Variants in FDX1 observed in about 807,000 individuals in gnomAD.
FDX1 encodes adrenodoxin, mitochondrial.
FDX1 carries 9 observed loss-of-function variants against 14.9 expected under a neutral mutation model. That is an observed-to-expected ratio of 0.60 (90% CI 0.36 to 1.05). The LOEUF (loss-of-function observed/expected upper bound fraction) is 1.05. Among genes scored for constraint, FDX1 ranks in the 50% least tolerant of loss-of-function variants. The pLI, the probability that FDX1 is intolerant of heterozygous loss-of-function variation, is 0.01. For synonymous variants in FDX1, 92 were observed against 99.4 expected, an observed-to-expected ratio of 0.93 and a Z score of 0.44; for missense variants, 204 against 237.2, an observed-to-expected ratio of 0.86 and a Z score of 0.92.
At chr11:110,448,749 A>G (rs1205266354) in intron 2 of FDX1, among the ~76,000 whole-genome samples, 1 of 152,230 alleles carries the variant, frequency 6.6e-6, no homozygotes, top group Non-Finnish European at 1.5e-5. Context: ...CATATATTTG[A>G]AATTGTGCAG....
Position 110,462,685 on chromosome 11 carries a change from A to G in FDX1, c.*217A>G. 1 of 340,098 alleles carries G rather than the reference A, an allele frequency of 2.9e-6. No homozygotes were observed. Among genetic ancestry groups the G allele is most frequent in the Non-Finnish European group, 5.3e-6 (1 of 187,748 alleles). 21.1% of individuals were successfully genotyped at this position (340,098 alleles called of 1,614,324 possible). ...AAAAATGTCAATCAAATATTAAAAA[A>G]TAGTTAATGTGATAGAAAAACCTTA... On this transcript the variant is annotated 3_prime_UTR_variant, in exon 4 of 4. Transcript: ENST00000260270.
At chr11:110,446,044 C>A (rs2134684554) in intron 2 of FDX1, among the ~76,000 whole-genome samples, 1 of 152,198 alleles carries the variant, frequency 6.6e-6, no homozygotes, top group African/African-American at 2.4e-5. Flanking sequence ...TTCGCGTATT[C>A]AGACTCAGAA....
chr11:110,447,254 C>T (rs914073812), intron 2 of FDX1, among the ~76,000 whole-genome samples: 3 of 136,468 alleles, frequency 2.2e-5, no homozygotes, highest in Non-Finnish European at 4.7e-5. Flanking sequence ...ATAATGAAAC[C>T]CCGTCTCTAC....
chr11:110,434,725 GTTTTTTT>G (rs56907322), intron 1 of FDX1, among the ~76,000 whole-genome samples: 1 of 105,704 alleles, frequency 9.5e-6, no homozygotes, highest in Non-Finnish European at 1.9e-5. Context: ...GACTTTTTTT[GTTTTTTT>G]TTTTTTTTTT....
intron 2 of FDX1, among the ~76,000 whole-genome samples, chr11:110,443,170 AT>A (rs1281735862): frequency 6.6e-6 from 1 of 152,138 alleles, no homozygotes; most frequent in Non-Finnish European, 1.5e-5. Flanking sequence ...GACTAATACA[AT>A]TGGTTACATA....
intron 2 of FDX1, among the ~76,000 whole-genome samples, chr11:110,441,882 G>A (rs1225941328): frequency 2.0e-5 from 3 of 152,218 alleles, no homozygotes. Flanking sequence ...AGGCCTGGAA[G>A]CCTAGGAGGA....
At chr11:110,432,170 T>A (rs750405169) in intron 1 of FDX1, among the ~76,000 whole-genome samples, 25 of 152,302 alleles carry the variant, frequency 1.6e-4, no homozygotes, top group South Asian at 2.1e-4. Context: ...AACAACTCGA[T>A]AAGCTATCAG....
At chr11:110,455,292 G>A (rs1490795472) in intron 2 of FDX1, among the ~76,000 whole-genome samples, 2 of 151,796 alleles carry the variant, frequency 1.3e-5, no homozygotes, top group Non-Finnish European at 2.9e-5. Flanking sequence ...GAGCCACCGT[G>A]CCCGGCCTGT....
In FDX1 at chr11:110,462,434, C is replaced by A; in HGVS notation, c.521C>A (p.Ala174Asp). 1 of 1,585,908 alleles carries A rather than the reference C, an allele frequency of 6.3e-7. No individual in the cohort carries two copies. Among genetic ancestry groups the A allele is most frequent in the South Asian group, 1.1e-5 (1 of 90,282 alleles). ...TVRVPETVAD[A>D]RQSIDVGKTS ...CGAGTGCCTGAAACAGTGGCTGATGCCAGACAATCCATTGATGTGGGCAAG... is the reference window on the plus strand; with the variant it reads ...CGAGTGCCTGAAACAGTGGCTGATGACAGACAATCCATTGATGTGGGCAAG... The change falls in exon 4 of 4, where the codon GCC (alanine) becomes GAC (aspartate). Residue 174 changes from alanine to aspartate, a missense_variant. By Grantham distance (126) the Ala-to-Asp change is moderately radical. Transcript: ENST00000260270.
At chr11:110,433,647 T>C (rs1946346251) in intron 1 of FDX1, among the ~76,000 whole-genome samples, 1 of 152,250 alleles carries the variant, frequency 6.6e-6, no homozygotes, top group Admixed American at 6.5e-5. Flanking sequence ...TTGAAAATTA[T>C]GAATAATATG....
chr11:110,456,200 G>C (rs1946520524), intron 2 of FDX1, among the ~76,000 whole-genome samples: 1 of 152,112 alleles, frequency 6.6e-6, no homozygotes. Flanking sequence ...TTTAGCTATA[G>C]GTTTGATTGC....
intron 1 of FDX1, among the ~76,000 whole-genome samples, chr11:110,435,112 A>G (rs111971680): frequency 6.6e-6 from 1 of 151,684 alleles, no homozygotes; most frequent in Non-Finnish European, 1.5e-5. Context: ...GCAGTGGTGC[A>G]ATCATATCCC....
rs774084987 is a variant in FDX1, at chr11:110,457,036, A to G, written c.429A>G (p.Gly143=). Residue 143 remains glycine (G), a synonymous_variant, in exon 3 of 4, where the codon GGA becomes GGG. Transcript: ENST00000260270. ...ATGACATGCTCGATCTGGCATATGG[A>G]CTAACAGACAGGTAAGATTTTTGGA... ...EENDMLDLAY[G]LTDRSRLGCQ... The G allele has an allele frequency of 4.3e-6, 7 of 1,610,610 alleles. No homozygotes were observed. In the African/African-American group the frequency reaches 6.7e-5, roughly 15 times the overall value.
intron 2 of FDX1, among the ~76,000 whole-genome samples, chr11:110,452,362 G>A (rs376995310): frequency 6.6e-5 from 10 of 152,006 alleles, no homozygotes; most frequent in African/African-American, 1.9e-4. Flanking sequence ...CTTGTATCCC[G>A]GCTATGTAAA....
At chr11:110,434,799 C>T (rs574829802) in intron 1 of FDX1, among the ~76,000 whole-genome samples, 7 of 145,126 alleles carry the variant, frequency 4.8e-5, no homozygotes, top group African/African-American at 1.8e-4. Flanking sequence ...GGTGTAATCA[C>T]GGCTCACTGC....
chr11:110,449,151 A>G (rs1946470595), intron 2 of FDX1, among the ~76,000 whole-genome samples: 1 of 152,256 alleles, frequency 6.6e-6, no homozygotes, highest in African/African-American at 2.4e-5. Context: ...GTTAGGAAGA[A>G]AGCCAAAAAC....
chr11:110,452,044 A>G (rs1337053013), intron 2 of FDX1, among the ~76,000 whole-genome samples: 1 of 152,208 alleles, frequency 6.6e-6, no homozygotes, highest in East Asian at 1.9e-4. Context: ...AAGGTGCATC[A>G]ACCTAAACCT....
intron 2 of FDX1, among the ~76,000 whole-genome samples, chr11:110,442,392 G>A (rs1233873833): frequency 6.6e-6 from 1 of 152,234 alleles, no homozygotes; most frequent in Non-Finnish European, 1.5e-5. Context: ...CCAGGAGGGA[G>A]GCTGTATCCT....
At chr11:110,434,481 C>A (rs947869733) in intron 1 of FDX1, among the ~76,000 whole-genome samples, 2 of 151,858 alleles carry the variant, frequency 1.3e-5, no homozygotes, top group Admixed American at 1.3e-4. Context: ...GGATTACAGG[C>A]ATGTACCACC....
Sources: gnomAD v4.1 joint callset for allele counts (sites outside exome capture counted in the v4.1 genomes callset) on GRCh38, gnomAD v4.1.1 for gene constraint, MANE v1.5 for transcripts, NCBI Gene and HGNC (gene_info 2026-07-23, HGNC 2026-07-21) for gene names.